The following CREBRF variants were observed in gnomAD, a reference collection of about 807,000 sequenced individuals.
CREBRF encodes the protein CREB3 regulatory factor, also known as UPF0474 protein C5orf41.
A neutral mutation model predicts 66.1 loss-of-function variants in CREBRF; 5 were observed. The observed-to-expected ratio is 0.08, with a 90% CI of 0.04 to 0.16. The LOEUF (loss-of-function observed/expected upper bound fraction) is 0.16, where lower values mean the gene tolerates loss of function less well. CREBRF is among the 10% of genes least tolerant of loss of function. CREBRF has a pLI of 1.00. For synonymous variants in CREBRF, 229 were observed against 264.4 expected (o/e 0.87, Z 1.30); for missense variants, 531 against 744.9 (o/e 0.71, Z 3.34).
chr5:173,127,737 C>T (rs1467463523), intron 8 of CREBRF, among the ~76,000 whole-genome samples: 2 of 152,178 alleles, frequency 1.3e-5, no homozygotes, highest in South Asian at 2.1e-4. Flanking sequence ...GGATTACAGG[C>T]GTGAGCCACT....
At position 173,086,592 on chromosome 5, in the gene CREBRF, C is replaced by T. The variant is rs765456881; in HGVS notation, c.101C>T (p.Ala34Val). 6.2e-7 allele frequency: 1 copy of T among 1,613,242 alleles called. No homozygotes were observed. The highest frequency in any genetic ancestry group is 8.5e-7 in the Non-Finnish European group (1 of 1,179,666). Residue 34 changes from alanine (A) to valine (V), a missense_variant, in exon 3 of 9, where the codon GCA (alanine) becomes GTA (valine). By Grantham distance (64) the Ala-to-Val change is moderately conservative. Transcript: ENST00000296953. ...ACTCTGATGAGCACAGATCTCTTAGCAAACAGTTCGGATCCAGATTTCATG... is the reference window on the plus strand; with the variant it reads ...ACTCTGATGAGCACAGATCTCTTAGTAAACAGTTCGGATCCAGATTTCATG... The part of the protein sequence containing the change: ...EQTLMSTDLL[A>V]NSSDPDFMYE...
chr5:173,127,985 T>C (rs548693181), intron 8 of CREBRF, among the ~76,000 whole-genome samples: 2 of 152,322 alleles, frequency 1.3e-5, no homozygotes, highest in East Asian at 3.9e-4. Flanking sequence ...TGATTCATTA[T>C]AGGTTATTCT....
rs765403993 is a variant in CREBRF at position 173,112,263 on chromosome 5, AT to A, written c.1608-41del. ...CGTAATTAAAAATAATAAAATTAAA[AT>A]TAAGAAAAAGAAAGTGAACTAACTG... On this transcript the variant is annotated intron_variant, in intron 6 of 8. Transcript: ENST00000296953. The A allele has an allele frequency of 7.2e-6, 10 of 1,390,874 alleles. No homozygotes were observed. In the Admixed American group the frequency reaches 2.2e-4, roughly 30 times the overall value. 86.2% of individuals were successfully genotyped at this position (1,390,874 alleles called of 1,614,324 possible). A position where few individuals can be genotyped will look rare whatever the true frequency, so the allele number is the denominator to read the frequency against.
At chr5:173,088,006 G>T (rs1758213095) in intron 3 of CREBRF, among the ~76,000 whole-genome samples, 1 of 151,420 alleles carries the variant, frequency 6.6e-6, no homozygotes, top group African/African-American at 2.4e-5. Context: ...TGTATTTTTA[G>T]TAGAGATGGG....
At chr5:173,082,312 C>CGAGTGCCTGGCT (rs1419985214) in intron 2 of CREBRF, among the ~76,000 whole-genome samples, 1 of 151,650 alleles carries the variant, frequency 6.6e-6, no homozygotes, top group Admixed American at 6.6e-5. Flanking sequence ...CGTGCCTGGC[C>CGAGTGCCTGGCT]GAGGTTTAGT....
intron 1 of CREBRF, among the ~76,000 whole-genome samples, chr5:173,070,440 C>G (rs2113678716): frequency 6.6e-6 from 1 of 152,208 alleles, no homozygotes; most frequent in African/African-American, 2.4e-5. Context: ...CTTTAACATC[C>G]TGCATAAAAT....
intron 3 of CREBRF, among the ~76,000 whole-genome samples, chr5:173,089,330 C>T (rs571195411): frequency 2.6e-5 from 4 of 151,984 alleles, no homozygotes; most frequent in East Asian, 1.9e-4. Flanking sequence ...TTTACCAAAA[C>T]GTAACTAACA....
chr5:173,101,118 A>G lies in CREBRF; in HGVS notation c.1223-7506A>G, dbSNP rs576658547. On this transcript the variant is annotated intron_variant, in intron 4 of 8. Transcript: ENST00000296953. ...TAACTCTTGCTCAGGCTAGAGTGCA[A>G]TGGCGTGATCCTAGCTTACTGCACC... is the stretch of plus-strand genomic sequence containing the variant. Among the ~76,000 whole-genome samples, 13 of 152,126 alleles carry G rather than the reference A, an allele frequency of 8.5e-5. No individual in the cohort carries two copies. The East Asian group carries it at 2.5e-3, about 29-fold the overall frequency.
intron 4 of CREBRF, among the ~76,000 whole-genome samples, chr5:173,106,070 T>C (rs1235996221): frequency 6.6e-6 from 1 of 152,180 alleles, no homozygotes; most frequent in Non-Finnish European, 1.5e-5. Flanking sequence ...TTTATTCTAA[T>C]ATAGTTTTTA....
At chr5:173,088,255 CTTTTTTTTTTTTTTTTTTTTT>C (rs536962764) in intron 3 of CREBRF, among the ~76,000 whole-genome samples, 18 of 66,864 alleles carry the variant, frequency 2.7e-4, no homozygotes, top group African/African-American at 1.2e-3. Flanking sequence ...CAAATACATT[CTTTTTTTTTTTTTTTTTTTTT>C]TTTTTTTTGA....
intron 8 of CREBRF, among the ~76,000 whole-genome samples, chr5:173,125,306 T>C (rs534550989): frequency 6.6e-6 from 1 of 152,194 alleles, no homozygotes; most frequent in South Asian, 2.1e-4. Context: ...TCAGGAATTT[T>C]CCCCTGTATT....
chr5:173,121,043 A>G (rs1169209010), intron 7 of CREBRF, among the ~76,000 whole-genome samples: 1 of 151,960 alleles, frequency 6.6e-6, no homozygotes, highest in Admixed American at 6.6e-5. Flanking sequence ...AAATTTGTTC[A>G]TTTCACCCAA....
chr5:173,083,210 C>A (rs988317183), intron 2 of CREBRF, among the ~76,000 whole-genome samples: 3 of 151,304 alleles, frequency 2.0e-5, no homozygotes, highest in African/African-American at 7.3e-5. Context: ...CTCTGTCTCT[C>A]CAAAAAAAAA....
intron 8 of CREBRF, among the ~76,000 whole-genome samples, chr5:173,124,812 G>A (rs936284469): frequency 1.3e-5 from 2 of 151,280 alleles, no homozygotes; most frequent in African/African-American, 4.9e-5. Context: ...CTTCTGTAGG[G>A]ACTCTTATTA....
At chr5:173,105,872 C>A (rs1758736577) in intron 4 of CREBRF, among the ~76,000 whole-genome samples, 1 of 151,784 alleles carries the variant, frequency 6.6e-6, no homozygotes, top group Non-Finnish European at 1.5e-5. Flanking sequence ...CCCGCCTCGG[C>A]CTCCCAAAGT....
chr5:173,096,074 T>C (rs991259882), intron 4 of CREBRF, among the ~76,000 whole-genome samples: 2 of 152,122 alleles, frequency 1.3e-5, no homozygotes, highest in Non-Finnish European at 2.9e-5. Context: ...GGTTATGCCA[T>C]TCTCCTGCCT....
At chr5:173,083,995 T>A (rs1156265338) in intron 2 of CREBRF, among the ~76,000 whole-genome samples, 2 of 152,180 alleles carry the variant, frequency 1.3e-5, no homozygotes, top group African/African-American at 4.8e-5. Flanking sequence ...GGCAGACAGA[T>A]GTCTGTGAAA....
At chr5:173,075,610 G>T (rs962487156) in intron 1 of CREBRF, among the ~76,000 whole-genome samples, 2 of 152,142 alleles carry the variant, frequency 1.3e-5, no homozygotes, top group African/African-American at 4.8e-5. Flanking sequence ...TAAAGAGCTT[G>T]GGCCATCTGA....
chr5:173,128,811 C>T (rs953414485), intron 8 of CREBRF, among the ~76,000 whole-genome samples: 7 of 152,142 alleles, frequency 4.6e-5, no homozygotes, highest in African/African-American at 1.7e-4. Flanking sequence ...GACGGAGTCT[C>T]GCTCTGTACC....
Sources: allele counts gnomAD v4.1 joint callset (sites outside exome capture counted in the v4.1 genomes callset), GRCh38; gene constraint gnomAD v4.1.1; transcripts MANE v1.5; gene names NCBI Gene and HGNC (gene_info 2026-07-23, HGNC 2026-07-21).